Variants in TENM1 observed in about 807,000 individuals in gnomAD.
TENM1 encodes the protein teneurin transmembrane protein 1, also known as teneurin-1.
In TENM1, 35 loss-of-function variants were observed where a neutral mutation model predicts 174.8. The ratio of observed to expected loss-of-function variants is 0.20; its 90% CI spans 0.15 to 0.27. The LOEUF is 0.27. Among genes scored for constraint, TENM1 ranks in the 10% least tolerant of loss-of-function variants. The pLI is 1.00. For synonymous variants in TENM1, 781 were observed against 798.7 expected, an observed-to-expected ratio of 0.98 and a Z score of 0.37; for missense variants, 1,633 against 2,130.1, an observed-to-expected ratio of 0.77 and a Z score of 4.59.
chrX:124,952,335 GGTGTGT>G (rs34542293), intron 1 of TENM1, among the ~76,000 whole-genome samples: 1,875 of 98,744 alleles, frequency 0.019, 44 homozygotes, highest in African/African-American at 0.065. Context: ...TTATGTATGG[GGTGTGT>G]GTGTGTGTGT....
chrX:124,719,810 A>G (rs2053269246), intron 4 of TENM1, among the ~76,000 whole-genome samples: 1 of 112,296 alleles, frequency 8.9e-6, no homozygotes, highest in Non-Finnish European at 1.9e-5. Flanking sequence ...TTAAACCTGG[A>G]CTTATTTTTT....
chrX:124,751,513 T>C (rs1172049445), intron 3 of TENM1, among the ~76,000 whole-genome samples: 1 of 110,626 alleles, frequency 9.0e-6, no homozygotes, highest in Non-Finnish European at 1.9e-5. Context: ...TATTATACTT[T>C]AAGTTTTAGG....
intron 11 of TENM1, among the ~76,000 whole-genome samples, chrX:124,594,361 C>T (rs1166758837): frequency 9.0e-6 from 1 of 111,458 alleles, no homozygotes; most frequent in Non-Finnish European, 1.9e-5. Context: ...GAGAGTGGAC[C>T]CCAGGCTGGG....
chrX:124,819,718 C>T (rs1258740077), intron 3 of TENM1, among the ~76,000 whole-genome samples: 2 of 110,961 alleles, frequency 1.8e-5, no homozygotes, highest in Non-Finnish European at 3.8e-5. Context: ...ACGAAATTGT[C>T]AAGCTCCAAG....
chrX:124,485,711 G>A (rs746922998), intron 21 of TENM1, among the ~76,000 whole-genome samples: 3 of 111,801 alleles, frequency 2.7e-5, no homozygotes, highest in African/African-American at 9.7e-5. Flanking sequence ...GTTAGAATTA[G>A]CAATCTCCTC....
chrX:125,084,387 T>G, the TENM1 span, among the ~76,000 whole-genome samples: 1 of 111,054 alleles, frequency 9.0e-6, no homozygotes, highest in Non-Finnish European at 1.9e-5. Context: ...TATTTTTTTT[T>G]CTTTATGTCT....
At chrX:124,402,657 A>G (rs1487422672) in intron 27 of TENM1, among the ~76,000 whole-genome samples, 1 of 111,956 alleles carries the variant, frequency 8.9e-6, no homozygotes, top group East Asian at 2.8e-4. Context: ...GTCACATAAT[A>G]TAGGATGAGT....
Position 124,497,267 on chromosome X carries a change from T to C in TENM1, c.3446-2A>G. The C allele has an allele frequency of 8.4e-7, 1 of 1,196,303 alleles. No individual in the cohort carries two copies. Among genetic ancestry groups the C allele is most frequent in the Non-Finnish European group, 1.1e-6 (1 of 885,351 alleles). On this transcript the variant is annotated splice_acceptor_variant, in intron 19 of 31. Transcript: ENST00000422452. LOFTEE classifies it high-confidence loss of function. ...CTCCATTCCCTTTATGTATGATTCCTAGATTCAAGGAAAACAAAAAGAGAA... is the reference window on the plus strand; with the variant it reads ...CTCCATTCCCTTTATGTATGATTCCCAGATTCAAGGAAAACAAAAAGAGAA...
the TENM1 span, among the ~76,000 whole-genome samples, chrX:124,998,791 C>A: frequency 9.0e-6 from 1 of 111,302 alleles, no homozygotes; most frequent in East Asian, 2.8e-4. Context: ...TTACTGTTAA[C>A]AGTATAGACA....
chrX:124,926,810 C>G (rs2058098416), intron 1 of TENM1, among the ~76,000 whole-genome samples: 1 of 111,865 alleles, frequency 8.9e-6, no homozygotes, highest in African/African-American at 3.2e-5. Flanking sequence ...TTTCATTGCA[C>G]TATTAAAGTC....
chrX:124,471,445 GTA>G (rs1479036332), intron 22 of TENM1, among the ~76,000 whole-genome samples: 7,992 of 35,901 alleles, frequency 0.22, 2,046 homozygotes, highest in Middle Eastern at 0.35. Flanking sequence ...ATAATATATA[GTA>G]CTATATATAA....
At chrX:125,150,164 G>C in the TENM1 span, among the ~76,000 whole-genome samples, 1 of 111,815 alleles carries the variant, frequency 8.9e-6, no homozygotes, top group African/African-American at 3.2e-5. Context: ...ATGGTGGTTA[G>C]CTGTGAAATG....
chrX:124,677,291 T>C (rs770479790), intron 5 of TENM1, among the ~76,000 whole-genome samples: 1 of 111,032 alleles, frequency 9.0e-6, no homozygotes, highest in African/African-American at 3.3e-5. Flanking sequence ...GAATCTACCA[T>C]ACTATATTAA....
chrX:124,788,681 C>G (rs2055101912), intron 3 of TENM1, among the ~76,000 whole-genome samples: 1 of 112,935 alleles, frequency 8.9e-6, no homozygotes, highest in Admixed American at 9.3e-5. Context: ...TCTCCTTTGA[C>G]TCCATGTCTC....
intron 6 of TENM1, among the ~76,000 whole-genome samples, chrX:124,664,406 T>C (rs1001782844): frequency 9.1e-6 from 1 of 109,850 alleles, no homozygotes; most frequent in Non-Finnish European, 1.9e-5. Flanking sequence ...CTTTATCTAC[T>C]GATTGGGTCT....
chrX:124,793,285 C>T (rs1240291604), intron 3 of TENM1, among the ~76,000 whole-genome samples: 1 of 110,308 alleles, frequency 9.1e-6, no homozygotes, highest in Admixed American at 9.7e-5. Context: ...TTTTAAGGGG[C>T]AAAGGGCTAA....
the TENM1 span, among the ~76,000 whole-genome samples, chrX:125,136,791 G>C: frequency 8.9e-6 from 1 of 111,819 alleles, no homozygotes; most frequent in African/African-American, 3.2e-5. Flanking sequence ...TATTTACACT[G>C]TATTTGGGTA....
chrX:124,388,811 TTC>T (rs2060251519), intron 28 of TENM1, among the ~76,000 whole-genome samples: 1 of 112,377 alleles, frequency 8.9e-6, no homozygotes, highest in Non-Finnish European at 1.9e-5. Flanking sequence ...AAAGTCGTCG[TTC>T]TGTCTCTCTA....
At chrX:124,422,097 GT>G (rs2060659955) in intron 24 of TENM1, among the ~76,000 whole-genome samples, 174 bp downstream of exon 27, 2 of 112,243 alleles carry the variant, frequency 1.8e-5, no homozygotes, top group South Asian at 7.4e-4. Flanking sequence ...CACTCAGTGA[GT>G]CAGTTGTGAG....
Sources: allele counts gnomAD v4.1 joint callset (sites outside exome capture counted in the v4.1 genomes callset), GRCh38; gene constraint gnomAD v4.1.1; transcripts MANE v1.5; gene names NCBI Gene and HGNC (gene_info 2026-07-23, HGNC 2026-07-21).